Variants in DNER observed in about 807,000 individuals in gnomAD.
DNER encodes the protein delta and Notch-like epidermal growth factor-related receptor.
DNER carries 33 observed loss-of-function variants against 78.2 expected under a neutral mutation model. The ratio of observed to expected loss-of-function variants is 0.42; its 90% CI spans 0.32 to 0.56. The LOEUF (loss-of-function observed/expected upper bound fraction) is 0.56, where lower values mean the gene tolerates loss of function less well. Ranked by LOEUF, DNER falls within the 20% of genes least tolerant of loss-of-function variation. DNER has a pLI of 0.11. For synonymous variants in DNER, 417 were observed against 384.8 expected, an observed-to-expected ratio of 1.08 and a Z score of -0.98; for missense variants, 918 against 975.3, an observed-to-expected ratio of 0.94 and a Z score of 0.78.
intron 1 of DNER, among the ~76,000 whole-genome samples, chr2:229,682,784 G>A (rs1306186396): frequency 6.6e-6 from 1 of 152,136 alleles, no homozygotes; most frequent in Non-Finnish European, 1.5e-5. Flanking sequence ...GGAGGCAGAG[G>A]TTGCAGTGAG....
At chr2:229,615,217 G>C (rs184998719) in intron 1 of DNER, among the ~76,000 whole-genome samples, 2 of 150,320 alleles carry the variant, frequency 1.3e-5, no homozygotes, top group Non-Finnish European at 3.0e-5. Flanking sequence ...TTTGAGACCA[G>C]CCTGACCAAC....
In DNER at chr2:229,583,880, C is replaced by T. The variant is rs561537112; in HGVS notation, c.847+1978G>A. Among the ~76,000 whole-genome samples, 4 of 152,296 alleles carry T rather than the reference C, an allele frequency of 2.6e-5. No homozygotes were observed. The East Asian group carries it at 7.7e-4, about 29-fold the overall frequency. ...ACACCAGTCTGAAGTGAAATGCACT[C>T]GTCTCTTTGTCAAGCTATGTTCATT... On this transcript the variant is annotated intron_variant, in intron 4 of 12. Transcript: ENST00000341772.
At chr2:229,480,266 G>A (rs541169210) in intron 6 of DNER, among the ~76,000 whole-genome samples, 35 of 152,144 alleles carry the variant, frequency 2.3e-4, no homozygotes, top group Admixed American at 1.8e-3. Context: ...TAGTCTCTTC[G>A]TATTTTCCTA....
intron 5 of DNER, among the ~76,000 whole-genome samples, chr2:229,542,543 A>G (rs1184548105): frequency 6.6e-6 from 1 of 152,190 alleles, no homozygotes; most frequent in Non-Finnish European, 1.5e-5. Flanking sequence ...AAAAAGACAT[A>G]AAAATGATGA....
intron 4 of DNER, among the ~76,000 whole-genome samples, chr2:229,556,168 A>T (rs958337716): frequency 6.6e-6 from 1 of 152,224 alleles, no homozygotes; most frequent in Non-Finnish European, 1.5e-5. Context: ...TTTTCTAGAT[A>T]ATTTGCTTCC....
intron 11 of DNER, among the ~76,000 whole-genome samples, chr2:229,386,336 A>C (rs1446001921): frequency 6.6e-6 from 1 of 152,256 alleles, no homozygotes; most frequent in Non-Finnish European, 1.5e-5. Context: ...TGGATAAAAG[A>C]CTTACACGTA....
At chr2:229,643,941 G>A (rs1282499102) in intron 1 of DNER, among the ~76,000 whole-genome samples, 2 of 152,008 alleles carry the variant, frequency 1.3e-5, no homozygotes, top group African/African-American at 2.4e-5. Flanking sequence ...AACCTTGAAG[G>A]GTAAGAACCA....
chr2:229,586,072 A>G (rs755934976), intron 3 of DNER, 48 bp from the exon 4 acceptor site: 6 of 1,557,300 alleles, frequency 3.9e-6, no homozygotes, highest in Admixed American at 2.0e-5. Flanking sequence ...AGAAAAATTC[A>G]TCTTAGAACC....
At chr2:229,651,218 T>C (rs554554572) in intron 1 of DNER, among the ~76,000 whole-genome samples, 1 of 152,286 alleles carries the variant, frequency 6.6e-6, no homozygotes, top group Non-Finnish European at 1.5e-5. Flanking sequence ...TCATCTTCAT[T>C]TCAGCAAGCT....
intron 11 of DNER, among the ~76,000 whole-genome samples, chr2:229,371,220 C>A (rs576302894): frequency 1.3e-5 from 2 of 152,190 alleles, no homozygotes; most frequent in Non-Finnish European, 2.9e-5. Flanking sequence ...CTAAGTCCAA[C>A]GCTAGGTCTG....
At chr2:229,464,595 T>C (rs1016962179) in intron 7 of DNER, among the ~76,000 whole-genome samples, 1 of 152,204 alleles carries the variant, frequency 6.6e-6, no homozygotes, top group African/African-American at 2.4e-5. Flanking sequence ...TGGGTCTTCA[T>C]TTATCTAACC....
intron 9 of DNER, among the ~76,000 whole-genome samples, chr2:229,416,954 G>C (rs945464629): frequency 2.6e-5 from 4 of 152,176 alleles, no homozygotes; most frequent in African/African-American, 9.6e-5. Context: ...GGGAAAGAAG[G>C]AGGTTGAAGA....
intron 8 of DNER, among the ~76,000 whole-genome samples, chr2:229,446,084 C>T (rs1261411293): frequency 6.6e-6 from 1 of 152,228 alleles, no homozygotes; most frequent in African/African-American, 2.4e-5. Context: ...GCATTCGAAT[C>T]TGGGCTCAGC....
intron 4 of DNER, among the ~76,000 whole-genome samples, chr2:229,561,264 A>C (rs1029391034): frequency 4.6e-5 from 7 of 152,222 alleles, no homozygotes; most frequent in African/African-American, 1.4e-4. Flanking sequence ...CATCAGGTAG[A>C]TTATACCTAG....
At chr2:229,443,949 C>G (rs112433178) in intron 8 of DNER, among the ~76,000 whole-genome samples, 9,048 of 152,158 alleles carry the variant, frequency 0.059, 536 homozygotes, top group African/African-American at 0.15. Context: ...AAGAAACATC[C>G]CCTCTGAAGG....
At chr2:229,519,405 T>C (rs1021854637) in intron 5 of DNER, among the ~76,000 whole-genome samples, 1 of 152,208 alleles carries the variant, frequency 6.6e-6, no homozygotes, top group African/African-American at 2.4e-5. Flanking sequence ...TTGTCTTTTT[T>C]TGATATCCCA....
At chr2:229,622,341 GA>G (rs1698264281) in intron 1 of DNER, among the ~76,000 whole-genome samples, 1 of 152,012 alleles carries the variant, frequency 6.6e-6, no homozygotes, top group African/African-American at 2.4e-5. Context: ...ACTCACCAAT[GA>G]CCCCTTTGAC....
intron 5 of DNER, among the ~76,000 whole-genome samples, chr2:229,542,904 G>A (rs1269896864): frequency 2.0e-5 from 3 of 152,056 alleles, no homozygotes; most frequent in Non-Finnish European, 4.4e-5. Flanking sequence ...TGAAATGGAC[G>A]TGGTCATTCC....
At chr2:229,385,100 T>TG (rs1353711409) in intron 11 of DNER, among the ~76,000 whole-genome samples, 2 of 110,930 alleles carry the variant, frequency 1.8e-5, no homozygotes, top group African/African-American at 6.8e-5. Context: ...AGACTCCATC[T>TG]AAAAAAAAAA....
Sources: gnomAD v4.1 joint callset for allele counts (sites outside exome capture counted in the v4.1 genomes callset) on GRCh38, gnomAD v4.1.1 for gene constraint, MANE v1.5 for transcripts, NCBI Gene and HGNC (gene_info 2026-07-23, HGNC 2026-07-21) for gene names.